Variants in POR observed in about 807,000 individuals in gnomAD.
The protein encoded by POR is NADPH--cytochrome P450 reductase.
In POR, 56 loss-of-function variants were observed where a neutral mutation model predicts 84.0. The observed-to-expected ratio is 0.67, with a 90% CI of 0.54 to 0.83. The LOEUF is 0.83. Among genes scored for constraint, POR ranks in the 40% least tolerant of loss-of-function variants. POR has a pLI of 0.00. For synonymous variants in POR, 414 were observed against 400.5 expected, an observed-to-expected ratio of 1.03 and a Z score of -0.40; for missense variants, 938 against 944.3, an observed-to-expected ratio of 0.99 and a Z score of 0.09.
At chr7:75,984,700 T>A in intron 10 of POR, 77 bp from the exon 11 acceptor site, 1 of 1,325,188 alleles carries the variant, frequency 7.5e-7, no homozygotes, top group African/African-American at 1.4e-5. Flanking sequence ...GCCCAAGGTG[T>A]CACCCCCTCC....
chr7:75,970,690 A>G (rs41296542), intron 2 of POR, among the ~76,000 whole-genome samples: 48,488 of 150,406 alleles, frequency 0.32, 8,488 homozygotes, highest in Non-Finnish European at 0.38. Context: ...TGGAAGTTGC[A>G]GTGAGCCAAG....
At chr7:75,919,382 CGTGTGTGTGT>C (rs56136603) in intron 1 of POR, among the ~76,000 whole-genome samples, 6 of 146,530 alleles carry the variant, frequency 4.1e-5, no homozygotes, top group South Asian at 4.4e-4. Flanking sequence ...TCTGTGCGTG[CGTGTGTGTGT>C]GTGTGTGTGT....
chr7:75,916,079 G>T (rs1449028995), intron 1 of POR, among the ~76,000 whole-genome samples: 5 of 152,048 alleles, frequency 3.3e-5, no homozygotes, highest in Admixed American at 3.3e-4. Flanking sequence ...AAGGAGACAG[G>T]ACTGGACTGG....
intron 2 of POR, among the ~76,000 whole-genome samples, chr7:75,955,041 G>T (rs1047040341): frequency 6.6e-6 from 1 of 152,014 alleles, no homozygotes; most frequent in Non-Finnish European, 1.5e-5. Flanking sequence ...ACAGGGATTT[G>T]CCATGTCCCG....
At chr7:75,978,581 T>C (rs1317544359) in intron 3 of POR, among the ~76,000 whole-genome samples, 2 of 152,208 alleles carry the variant, frequency 1.3e-5, no homozygotes, top group Non-Finnish European at 2.9e-5. Flanking sequence ...TGGAGTGCAA[T>C]GGCGCGATCT....
At position 75,981,567 on chromosome 7, in the gene POR, G is replaced by T. The variant is rs1554557957; in HGVS notation, c.692G>T (p.Cys231Phe). Residue 231 changes from cysteine to phenylalanine, a missense_variant, in exon 7 of 16, where the codon TGT becomes TTT. Cys to Phe is a radical substitution (Grantham distance 205). Transcript: ENST00000461988. The stretch of plus-strand genomic sequence containing the variant: ...CGAGAGCAGTTCTGGCCGGCCGTGT[G>T]TGAACACTTTGGGGTGGAAGCCACT... The T allele has an allele frequency of 6.2e-7, 1 of 1,613,192 alleles. No homozygotes were observed. The highest frequency in any genetic ancestry group is 1.1e-5 in the South Asian group (1 of 91,002).
At chr7:75,946,989 A>G (rs1292228195) in intron 1 of POR, 1 of 152,182 alleles carries the variant, frequency 6.6e-6, no homozygotes, top group African/African-American at 2.4e-5. Context: ...ATCATTCTCA[A>G]TGCGGCGGAC....
intron 1 of POR, among the ~76,000 whole-genome samples, chr7:75,931,389 C>G (rs558333090): frequency 7.3e-6 from 1 of 137,814 alleles, no homozygotes; most frequent in Admixed American, 7.1e-5. Flanking sequence ...TTATTTGAGA[C>G]ACAGTCTCCC....
chr7:75,917,658 T>A (rs548506222), intron 1 of POR, among the ~76,000 whole-genome samples: 3 of 152,130 alleles, frequency 2.0e-5, no homozygotes, highest in Non-Finnish European at 4.4e-5. Flanking sequence ...TCTTTTCTTT[T>A]TTTGAGATGG....
At chr7:75,929,207 C>T (rs1554549895) in intron 1 of POR, among the ~76,000 whole-genome samples, 1 of 152,208 alleles carries the variant, frequency 6.6e-6, no homozygotes, top group East Asian at 1.9e-4. Flanking sequence ...AATTTAAACA[C>T]ATGCTGTGAA....
At chr7:75,960,958 C>T (rs970780219) in intron 2 of POR, among the ~76,000 whole-genome samples, 8 of 152,074 alleles carry the variant, frequency 5.3e-5, no homozygotes, top group Admixed American at 1.3e-4. Flanking sequence ...TCAGGCCCAG[C>T]GTGGTGGCTG....
At position 75,961,618 on chromosome 7, in the gene POR, T is replaced by G. The variant is rs782814219; in HGVS notation, c.188+7438T>G. The stretch of plus-strand genomic sequence containing the variant: ...TTCATAACTACTCACTCCTCGCCGG[T>G]CTTATTTCTTTCCGCTGCCCCCCAC... On this transcript the variant is annotated intron_variant, in intron 2 of 15. Coordinates refer to ENST00000461988, the MANE Select transcript of POR (RefSeq NM_000941.3). 1.2e-4 allele frequency among the ~76,000 whole-genome samples: 19 copies of G among 152,242 alleles called. No individual in the cohort carries two copies. The South Asian group carries it at 3.9e-3, about 32-fold the overall frequency.
At chr7:75,980,817 G>A in intron 5 of POR, 2 of 1,239,500 alleles carry the variant, frequency 1.6e-6, no homozygotes, top group South Asian at 1.5e-5. Context: ...CCGCTTCCCT[G>A]TGGGTTGAGG....
At chr7:75,931,527 C>T (rs1398199385) in intron 1 of POR, among the ~76,000 whole-genome samples, 2 of 151,832 alleles carry the variant, frequency 1.3e-5, no homozygotes, top group African/African-American at 4.8e-5. Flanking sequence ...TCATCACACC[C>T]GACTAATTTT....
At chr7:75,984,425 A>AG (rs1324867687) in intron 10 of POR, among the ~76,000 whole-genome samples, 29 of 152,246 alleles carry the variant, frequency 1.9e-4, no homozygotes, top group African/African-American at 6.3e-4. Flanking sequence ...CTGCCATGCC[A>AG]GGGCTGCCCT....
At chr7:75,918,444 GACCT>G (rs1806686150) in intron 1 of POR, among the ~76,000 whole-genome samples, 1 of 152,174 alleles carries the variant, frequency 6.6e-6, no homozygotes, top group African/African-American at 2.4e-5. Context: ...ATAGGCCGCT[GACCT>G]ATACCAAGCC....
In POR at chr7:75,982,267, G is replaced by A; in HGVS notation, c.775G>A (p.Ala259Thr). 6.2e-7 allele frequency: 1 copy of A among 1,612,918 alleles called. No individual in the cohort carries two copies. Among genetic ancestry groups the A allele is most frequent in the Non-Finnish European group, 8.5e-7 (1 of 1,179,584 alleles). ...TGTGGTCCACACCGACATAGATGCG[G>A]CCAAGGTGTACATGGGGGAGATGGG... The change falls in exon 8 of 16, where the codon GCC becomes ACC. Residue 259 changes from alanine to threonine, a missense_variant. Ala to Thr is a moderately conservative substitution (Grantham distance 58). Transcript: ENST00000461988.
rs142864869 is a variant in POR at position 75,960,292 on chromosome 7, AAATAATAAT to A, written c.188+6132_188+6140del. Among the ~76,000 whole-genome samples, 29 of 149,048 alleles carry A rather than the reference AAATAATAAT, an allele frequency of 1.9e-4. 1 individual carries two copies. The highest frequency in any genetic ancestry group is 5.0e-4 in the African/African-American group (20 of 40,402). On this transcript the variant is annotated intron_variant, in intron 2 of 15. Coordinates refer to ENST00000461988, the MANE Select transcript of POR (RefSeq NM_000941.3). The stretch of plus-strand genomic sequence containing the variant: ...GGCGACAGAGCAAGACCCCCTCTCA[AAATAATAAT>A]AATAATAATAATAATAATATATAAT...
chr7:75,964,610 C>G (rs1788098293), intron 2 of POR, among the ~76,000 whole-genome samples: 1 of 152,174 alleles, frequency 6.6e-6, no homozygotes. Context: ...ACCAGGCCAG[C>G]ATTTTTCTTT....
Sources: allele counts gnomAD v4.1 joint callset (sites outside exome capture counted in the v4.1 genomes callset), GRCh38; gene constraint gnomAD v4.1.1; transcripts MANE v1.5; gene names NCBI Gene and HGNC (gene_info 2026-07-23, HGNC 2026-07-21).